ANKRD26: variants seen among roughly 807,000 people sequenced by gnomAD.
ANKRD26 encodes ankyrin repeat domain-containing protein 26.
In ANKRD26, 141 loss-of-function variants were observed where a neutral mutation model predicts 208.7. That is an observed-to-expected ratio of 0.68 (90% CI 0.59 to 0.78). The LOEUF is 0.78. Among genes scored for constraint, ANKRD26 ranks in the 30% least tolerant of loss-of-function variants. ANKRD26 has a pLI of 0.00. For missense variants in ANKRD26, 1,889 were observed against 1,938.7 expected (o/e 0.97, Z 0.48); for synonymous variants, 636 against 660.4 (o/e 0.96, Z 0.57).
chr10:27,057,803 G>T lies in ANKRD26; in HGVS notation c.1564+2542C>A, dbSNP rs1260651154. On this transcript the variant is annotated intron_variant, in intron 15 of 33. Transcript: ENST00000376087. ...AATACAAAAATTAGCTGGCCTTGTTGGCGCGCGCCTGTAGCCCTAGCTACT... is the reference window on the plus strand; with the variant it reads ...AATACAAAAATTAGCTGGCCTTGTTTGCGCGCGCCTGTAGCCCTAGCTACT... 2.0e-5 allele frequency among the ~76,000 whole-genome samples: 3 copies of T among 152,012 alleles called. No individual in the cohort carries two copies. In the East Asian group the frequency reaches 5.8e-4, roughly 29 times the overall value.
intron 1 of ANKRD26, among the ~76,000 whole-genome samples, chr10:27,098,601 T>C (rs1329360126): frequency 6.7e-6 from 1 of 149,828 alleles, no homozygotes; most frequent in Non-Finnish European, 1.5e-5. Flanking sequence ...CAGGCTGGAG[T>C]GCAGTGGCGT....
At chr10:26,962,331 T>C in the ANKRD26 span, among the ~76,000 whole-genome samples, 1 of 152,050 alleles carries the variant, frequency 6.6e-6, no homozygotes, top group African/African-American at 2.4e-5. Context: ...TTCCAGCACG[T>C]TGGGAGGCTG....
intron 9 of ANKRD26, among the ~76,000 whole-genome samples, chr10:27,075,884 G>T: frequency 6.6e-6 from 1 of 152,120 alleles, no homozygotes; most frequent in Non-Finnish European, 1.5e-5. Flanking sequence ...TTAAAAAACT[G>T]AAATCATATG....
chr10:26,994,911 C>T (rs2052556243), intron 5 of ANKRD26: 1 of 365,028 alleles, frequency 2.7e-6, no homozygotes, highest in South Asian at 2.1e-5. Context: ...TCAGGGAAAT[C>T]AACTTGGCTA....
chr10:27,076,683 G>A lies in ANKRD26; in HGVS notation c.1077+655C>T, dbSNP rs547621431. Among the ~76,000 whole-genome samples the A allele has an allele frequency of 4.3e-4, 65 of 152,122 alleles. 1 individual carries two copies. The highest frequency in any genetic ancestry group is 1.3e-3 in the African/African-American group (52 of 41,504). Reference sequence around the variant, plus strand: ...TGGAGACAGTATAACTGATACCACCGAAATACAAAAGATAGCTCAAGACTA... The same window carrying A: ...TGGAGACAGTATAACTGATACCACCAAAATACAAAAGATAGCTCAAGACTA... On this transcript the variant is annotated intron_variant, in intron 9 of 33. Transcript: ENST00000376087.
chr10:27,053,252 G>T, intron 16 of ANKRD26, 68 bp downstream of exon 16: 1 of 1,104,180 alleles, frequency 9.1e-7, no homozygotes, highest in Non-Finnish European at 1.4e-6. Context: ...AATTTCATTT[G>T]GACTATGTTA....
At chr10:26,973,016 T>C (rs143429442), downstream of ANKRD26, among the ~76,000 whole-genome samples, 30 of 152,322 alleles carry the variant, frequency 2.0e-4, no homozygotes, top group African/African-American at 7.0e-4. Flanking sequence ...ATATCCAGAT[T>C]CCTGACCTCA....
intron 6 of ANKRD26, among the ~76,000 whole-genome samples, chr10:27,082,191 C>G (rs1286242920): frequency 6.6e-6 from 1 of 151,904 alleles, no homozygotes; most frequent in African/African-American, 2.4e-5. Flanking sequence ...CCAGAAATAT[C>G]CTCTAACTGG....
chr10:27,046,223 C>T, intron 18 of ANKRD26, 130 bp downstream of exon 18: 1 of 976,746 alleles, frequency 1.0e-6, no homozygotes. Context: ...CACTTGTCCT[C>T]ATCTTAATCT....
At chr10:27,089,031 T>C (rs1190251710) in intron 4 of ANKRD26, among the ~76,000 whole-genome samples, 2 of 152,150 alleles carry the variant, frequency 1.3e-5, no homozygotes, top group Non-Finnish European at 2.9e-5. Context: ...ATATAAACAC[T>C]TGTATGTGAA....
At chr10:26,988,781 C>T (rs777436396), downstream of ANKRD26, among the ~76,000 whole-genome samples, 13 of 151,404 alleles carry the variant, frequency 8.6e-5, no homozygotes, top group Non-Finnish European at 1.6e-4. Flanking sequence ...CATGATGGCT[C>T]ACACCTATAG....
At chr10:26,989,453 C>G (rs763747634), downstream of ANKRD26, among the ~76,000 whole-genome samples, 9 of 152,130 alleles carry the variant, frequency 5.9e-5, no homozygotes, top group Non-Finnish European at 8.8e-5. Flanking sequence ...GACTTATGGG[C>G]ATTAAGGATG....
chr10:27,054,563 T>G (rs1404998094), intron 15 of ANKRD26, among the ~76,000 whole-genome samples: 1 of 152,058 alleles, frequency 6.6e-6, no homozygotes, highest in Non-Finnish European at 1.5e-5. Context: ...CCACTGAGAC[T>G]CCATCACACA....
intron 18 of ANKRD26, chr10:27,045,980 A>AT (rs1324115018): frequency 6.2e-6 from 1 of 160,340 alleles, no homozygotes; most frequent in Non-Finnish European, 1.4e-5. Flanking sequence ...ACTAAATTTC[A>AT]TAAGCATTTC....
chr10:27,099,465 G>C (rs1288754593), intron 1 of ANKRD26, among the ~76,000 whole-genome samples: 1 of 151,302 alleles, frequency 6.6e-6, no homozygotes, highest in Non-Finnish European at 1.5e-5. Flanking sequence ...ATAGGGTCTT[G>C]CTCTGTTGTC....
chr10:26,950,165 T>C, the ANKRD26 span, among the ~76,000 whole-genome samples: 1 of 152,150 alleles, frequency 6.6e-6, no homozygotes, highest in Non-Finnish European at 1.5e-5. Flanking sequence ...GGGGAGGTGA[T>C]TGGATCATGG....
At chr10:27,028,017 G>A (rs1003170951) in intron 27 of ANKRD26, among the ~76,000 whole-genome samples, 3 of 152,220 alleles carry the variant, frequency 2.0e-5, no homozygotes, top group African/African-American at 7.2e-5. Flanking sequence ...GCTAATGTAA[G>A]TGTTCAGAGC....
At chr10:27,013,478 T>C (rs2053186259) in intron 31 of ANKRD26, among the ~76,000 whole-genome samples, 1 of 152,176 alleles carries the variant, frequency 6.6e-6, no homozygotes, top group Admixed American at 6.5e-5. Flanking sequence ...AAAGGGTAAA[T>C]ATGTGACATG....
chr10:27,035,784 A>G (rs780772772), intron 23 of ANKRD26, 32 bp from the exon 24 acceptor site: 27 of 1,439,770 alleles, frequency 1.9e-5, no homozygotes, highest in Admixed American at 6.9e-5. Context: ...TTGAGCTAGC[A>G]CCCAAGAAAA....
Sources: allele counts gnomAD v4.1 joint callset (sites outside exome capture counted in the v4.1 genomes callset), GRCh38; gene constraint gnomAD v4.1.1; transcripts MANE v1.5; gene names NCBI Gene and HGNC (gene_info 2026-07-23, HGNC 2026-07-21).